GIPC2: variants seen among roughly 807,000 people sequenced by gnomAD.
The protein encoded by GIPC2 is PDZ domain-containing protein GIPC2.
A neutral mutation model predicts 30.6 loss-of-function variants in GIPC2; 30 were observed. The ratio of observed to expected loss-of-function variants is 0.98; its 90% confidence interval spans 0.73 to 1.33. GIPC2 has a LOEUF of 1.33. Ranked by LOEUF, GIPC2 falls within the 40% of genes most tolerant of loss-of-function variation. GIPC2 has a pLI of 0.00. For synonymous variants in GIPC2, 167 were observed against 150.0 expected (o/e 1.11, Z -0.83); for missense variants, 414 against 390.3 (o/e 1.06, Z -0.51).
chr1:78,084,510 CA>C (rs11432277), intron 2 of GIPC2, among the ~76,000 whole-genome samples: 4,679 of 128,902 alleles, frequency 0.036, 170 homozygotes, highest in Admixed American at 0.14. Context: ...GACTCTGTCT[CA>C]AAAAAAAAAA....
chr1:78,104,604 G>T (rs573652427), intron 3 of GIPC2, among the ~76,000 whole-genome samples: 2 of 152,236 alleles, frequency 1.3e-5, no homozygotes, highest in African/African-American at 4.8e-5. Context: ...TAAAAAGTGT[G>T]AGTAATATTG....
chr1:78,079,102 A>G (rs1661776861), intron 1 of GIPC2, among the ~76,000 whole-genome samples: 1 of 152,150 alleles, frequency 6.6e-6, no homozygotes, highest in South Asian at 2.1e-4. Flanking sequence ...GAATATGTGC[A>G]AAAACTTATT....
chr1:78,046,476 C>CG (rs1246558335), intron 1 of GIPC2, 142 bp downstream of exon 1: 6 of 748,236 alleles, frequency 8.0e-6, no homozygotes, highest in Middle Eastern at 3.6e-4. Flanking sequence ...GGGGGCGTCC[C>CG]GGGGGAAAGT....
At chr1:78,045,893 C>T (rs909841104), upstream of GIPC2, 76 of 1,342,814 alleles carry the variant, frequency 5.7e-5, no homozygotes, top group African/African-American at 1.1e-3. Flanking sequence ...CAGATCCATC[C>T]CGGGGGAGGC....
At chr1:78,098,962 A>G (rs1172209045) in intron 3 of GIPC2, among the ~76,000 whole-genome samples, 3 of 152,270 alleles carry the variant, frequency 2.0e-5, no homozygotes, top group Non-Finnish European at 1.5e-5. Context: ...CACCTAGTCT[A>G]TGGTACTTTG....
At chr1:78,092,579 A>G (rs1662062239) in intron 2 of GIPC2, among the ~76,000 whole-genome samples, 1 of 152,226 alleles carries the variant, frequency 6.6e-6, no homozygotes, top group Admixed American at 6.5e-5. Context: ...TGATTATCAA[A>G]GCACATTAGG....
Position 78,135,926 on chromosome 1 carries a change from A to T in GIPC2, c.*183A>T. 2.0e-6 allele frequency: 1 copy of T among 505,106 alleles called. No individual in the cohort carries two copies. The highest frequency in any genetic ancestry group is 3.4e-6 in the Non-Finnish European group (1 of 293,218). 31.3% of individuals were successfully genotyped at this position (505,106 alleles called of 1,614,324 possible). ...TTCTGGGCACTTTTTAACATTGCTG[A>T]TGTAGTATGCTTAAGAGAAATGACC... On this transcript the variant is annotated 3_prime_UTR_variant, in exon 6 of 6. Coordinates refer to ENST00000370759, the MANE Select transcript of GIPC2 (RefSeq NM_017655.6).
At chr1:78,130,508 T>C (rs1285598255) in intron 5 of GIPC2, among the ~76,000 whole-genome samples, 2 of 152,236 alleles carry the variant, frequency 1.3e-5, no homozygotes, top group Admixed American at 1.3e-4. Context: ...AAAATCATTC[T>C]ACATTGACTG....
intron 3 of GIPC2, among the ~76,000 whole-genome samples, chr1:78,110,054 G>A (rs2100409669): frequency 6.6e-6 from 1 of 152,126 alleles, no homozygotes; most frequent in East Asian, 1.9e-4. Context: ...GGGGAAGGGG[G>A]AGGGATAGCA....
chr1:78,130,231 C>T (rs1435997234), intron 5 of GIPC2, among the ~76,000 whole-genome samples: 1 of 151,470 alleles, frequency 6.6e-6, no homozygotes, highest in Non-Finnish European at 1.5e-5. Context: ...GCCTCCTGAG[C>T]AGCTGGGATT....
Position 78,112,155 on chromosome 1 carries a change from C to G in GIPC2, c.608-7238C>G, listed in dbSNP as rs1242609348. ...GTCTCACTTTCAGCAGAGATCTAAT[C>G]AGAAATATTAGAACAACTTTCATTT... is the stretch of plus-strand genomic sequence containing the variant. On this transcript the variant is annotated intron_variant, in intron 3 of 5. Coordinates refer to ENST00000370759, the MANE Select transcript of GIPC2 (RefSeq NM_017655.6). Among the ~76,000 whole-genome samples, 3 of 152,312 alleles carry G rather than the reference C, an allele frequency of 2.0e-5. No homozygotes were observed. In the East Asian group the frequency reaches 5.8e-4, roughly 29 times the overall value.
chr1:78,083,893 C>A (rs767771282), intron 2 of GIPC2, among the ~76,000 whole-genome samples: 12 of 152,224 alleles, frequency 7.9e-5, no homozygotes, highest in Non-Finnish European at 1.5e-4. Flanking sequence ...CTAGACCCAT[C>A]TTGTATCTCC....
intron 3 of GIPC2, among the ~76,000 whole-genome samples, chr1:78,100,006 T>TG (rs991987307): frequency 6.6e-6 from 1 of 152,210 alleles, no homozygotes; most frequent in Non-Finnish European, 1.5e-5. Flanking sequence ...AGACAAAGAC[T>TG]GGGCAATGAA....
chr1:78,065,804 C>T (rs1032984066), intron 1 of GIPC2, among the ~76,000 whole-genome samples: 1 of 152,116 alleles, frequency 6.6e-6, no homozygotes, highest in Non-Finnish European at 1.5e-5. Context: ...AAAGGATTCC[C>T]TATTCAATAA....
chr1:78,098,927 G>GAAAATA (rs1662190658), intron 3 of GIPC2, among the ~76,000 whole-genome samples: 4 of 152,092 alleles, frequency 2.6e-5, no homozygotes, highest in Admixed American at 2.6e-4. Context: ...AGAACTCTGA[G>GAAAATA]AAAATAAATT....
At chr1:78,088,425 A>C (rs969518435) in intron 2 of GIPC2, among the ~76,000 whole-genome samples, 1 of 152,234 alleles carries the variant, frequency 6.6e-6, no homozygotes, top group Non-Finnish European at 1.5e-5. Flanking sequence ...CATTAAAAAG[A>C]ATGAGATCAT....
chr1:78,080,880 A>C lies in GIPC2; in HGVS notation c.426+20A>C. On this transcript the variant is annotated intron_variant, in intron 2 of 5. Coordinates refer to ENST00000370759, the MANE Select transcript of GIPC2 (RefSeq NM_017655.6). The stretch of plus-strand genomic sequence containing the variant: ...ATAAAGGTAAGTTTTAAAAAATAAC[A>C]GTGTAACCTAATTGAGGATAACATT... The C allele has an allele frequency of 7.1e-7, 1 of 1,417,260 alleles. No homozygotes were observed. 87.8% of individuals were successfully genotyped at this position (1,417,260 alleles called of 1,614,324 possible).
intron 2 of GIPC2, chr1:78,091,368 A>G: frequency 2.0e-6 from 1 of 493,780 alleles, no homozygotes; most frequent in Non-Finnish European, 3.7e-6. Context: ...CTGGACATGT[A>G]GCTCAGAGTC....
Position 78,137,070 on chromosome 1 carries a change from ACTCC to A in GIPC2, c.*1328_*1331del, listed in dbSNP as rs1163120319. ...TAAAACTTTAGTTGTATTGCCATCC[ACTCC>A]TTTTTCAAATGAGTTTAATGCCATA... On this transcript the variant is annotated 3_prime_UTR_variant, in exon 6 of 6. Coordinates refer to ENST00000370759, the MANE Select transcript of GIPC2 (RefSeq NM_017655.6). 1 of 151,956 alleles carries A rather than the reference ACTCC, an allele frequency of 6.6e-6. No homozygotes were observed. The highest frequency in any genetic ancestry group is 1.9e-4 in the East Asian group (1 of 5,194). 9.4% of individuals were successfully genotyped at this position (151,956 alleles called of 1,614,324 possible). A position where few individuals can be genotyped will look rare whatever the true frequency, so the allele number is the denominator to read the frequency against.
Sources: allele counts gnomAD v4.1 joint callset (sites outside exome capture counted in the v4.1 genomes callset), GRCh38; gene constraint gnomAD v4.1.1; transcripts MANE v1.5; gene names NCBI Gene and HGNC (gene_info 2026-07-23, HGNC 2026-07-21).